ACYP2: variants seen among roughly 807,000 people sequenced by gnomAD.
The protein encoded by ACYP2 is acylphosphatase 2.
Under a neutral mutation model 11.2 loss-of-function variants are expected in ACYP2, and 12 were observed. The observed-to-expected ratio is 1.08, with a 90% CI of 0.69 to 1.74. The LOEUF is 1.74. Among genes scored for constraint, ACYP2 ranks in the 40% most tolerant of loss-of-function variants. The pLI, the probability that ACYP2 is intolerant of heterozygous loss-of-function variation, is 0.00. For synonymous variants in ACYP2, 43 were observed against 32.2 expected (o/e 1.33, Z -1.13); for missense variants, 134 against 101.9 (o/e 1.31, Z -1.35).
chr2:54,240,643 A>C (rs955581735), intron 6 of ACYP2, among the ~76,000 whole-genome samples: 3 of 152,176 alleles, frequency 2.0e-5, no homozygotes, highest in Non-Finnish European at 2.9e-5. Flanking sequence ...TGACAAGTTG[A>C]ATTCCTAAGA....
chr2:54,159,356 A>G (rs1032460177), intron 6 of ACYP2, among the ~76,000 whole-genome samples: 13 of 147,666 alleles, frequency 8.8e-5, no homozygotes, highest in African/African-American at 3.3e-4. Context: ...ATATTGGATT[A>G]TGACTTTTTA....
chr2:54,151,720 C>T (rs1426251190), intron 6 of ACYP2, among the ~76,000 whole-genome samples: 2 of 151,948 alleles, frequency 1.3e-5, no homozygotes, highest in Non-Finnish European at 2.9e-5. Flanking sequence ...AGAACATAAC[C>T]GATCTATATT....
At chr2:54,304,652 T>C in intron 6 of ACYP2, 36 bp from the exon 4 acceptor site, 1 of 1,481,464 alleles carries the variant, frequency 6.8e-7, no homozygotes. Flanking sequence ...GTATACTTTG[T>C]ATGCTAATTT....
intron 6 of ACYP2, among the ~76,000 whole-genome samples, chr2:54,263,389 A>T (rs895202253): frequency 6.6e-6 from 1 of 152,200 alleles, no homozygotes; most frequent in African/African-American, 2.4e-5. Flanking sequence ...TCCACCTCGA[A>T]CACTGGGGAT....
At chr2:54,125,699 G>A (rs565375201) in intron 4 of ACYP2, among the ~76,000 whole-genome samples, 1 of 152,158 alleles carries the variant, frequency 6.6e-6, no homozygotes, top group South Asian at 2.1e-4. Flanking sequence ...GCAGTGAGCC[G>A]AGATCGTGCC....
intron 6 of ACYP2, among the ~76,000 whole-genome samples, chr2:54,161,649 C>A (rs529777794): frequency 6.6e-6 from 1 of 152,132 alleles, no homozygotes; most frequent in Non-Finnish European, 1.5e-5. Flanking sequence ...GTGACAAATA[C>A]AACTGCCAAA....
Position 54,304,884 on chromosome 2 carries a change from G to T in ACYP2, c.*82G>T. 1.6e-5 allele frequency: 10 copies of T among 640,710 alleles called. No homozygotes were observed. Among genetic ancestry groups the T allele is most frequent in the East Asian group, 9.7e-5 (3 of 30,896 alleles). The allele number at this position is 640,710 out of a possible 1,614,324, so 39.7% of individuals were successfully genotyped here. On this transcript the variant is annotated 3_prime_UTR_variant, in exon 7 of 7. Transcript: ENST00000607452. ...TGTATACTAGAATAATAGTAGCAGAGTAGGGTGAAAAGGAACTTTCTGTTC... is the reference window on the plus strand; with the variant it reads ...TGTATACTAGAATAATAGTAGCAGATTAGGGTGAAAAGGAACTTTCTGTTC...
chr2:54,189,952 T>C (rs1247080186), intron 6 of ACYP2, among the ~76,000 whole-genome samples: 1 of 152,200 alleles, frequency 6.6e-6, no homozygotes, highest in Non-Finnish European at 1.5e-5. Flanking sequence ...CCCCAATGAT[T>C]AGTGATATTG....
intron 2 of ACYP2, among the ~76,000 whole-genome samples, chr2:54,027,996 C>G (rs1312619687): frequency 2.6e-5 from 4 of 151,896 alleles, no homozygotes; most frequent in African/African-American, 9.7e-5. Context: ...GTGCCTGCCA[C>G]CACACCCGGC....
intron 4 of ACYP2, among the ~76,000 whole-genome samples, chr2:54,133,134 C>A (rs72800759): frequency 3.3e-5 from 5 of 152,154 alleles, no homozygotes; most frequent in Admixed American, 1.3e-4. Flanking sequence ...TCTTCACCCC[C>A]CATTGTAGCA....
At chr2:54,043,099 C>G (rs1573591573) in intron 2 of ACYP2, among the ~76,000 whole-genome samples, 1 of 147,722 alleles carries the variant, frequency 6.8e-6, no homozygotes, top group Non-Finnish European at 1.5e-5. Flanking sequence ...GTGTGTGTGT[C>G]TGCTATTTTA....
At chr2:53,995,419 C>G (rs1672523065) in intron 2 of ACYP2, among the ~76,000 whole-genome samples, 1 of 151,902 alleles carries the variant, frequency 6.6e-6, no homozygotes, top group Non-Finnish European at 1.5e-5. Context: ...AATAATTAAA[C>G]TTAAAATATC....
chr2:54,029,569 ACTGGTG>A, intron 2 of ACYP2: 1 of 398,008 alleles, frequency 2.5e-6, no homozygotes, highest in Non-Finnish European at 4.8e-6. Context: ...GGTGGAGCTG[ACTGGTG>A]CTTCAGTTGA....
chr2:54,226,466 G>GA (rs113075721), intron 6 of ACYP2, among the ~76,000 whole-genome samples: 10,182 of 152,278 alleles, frequency 0.067, 1,096 homozygotes, highest in African/African-American at 0.23. Context: ...TTGATGTCAG[G>GA]AAAAGAGTTG....
chr2:54,292,643 T>C (rs1689356859), intron 6 of ACYP2, among the ~76,000 whole-genome samples: 1 of 147,686 alleles, frequency 6.8e-6, no homozygotes, highest in Non-Finnish European at 1.5e-5. Flanking sequence ...GATTGAAACA[T>C]TTCTGATTGT....
chr2:54,217,646 T>A (rs1009230634), intron 6 of ACYP2, among the ~76,000 whole-genome samples: 3 of 152,220 alleles, frequency 2.0e-5, no homozygotes, highest in Non-Finnish European at 4.4e-5. Context: ...GTACTGAGAT[T>A]ACAGGCGTGA....
In ACYP2 at chr2:54,064,134, C is replaced by G. The variant is rs1572676553; in HGVS notation, c.277+6774C>G. On this transcript the variant is annotated intron_variant, in intron 4 of 6. Transcript: ENST00000607452. Reference sequence around the variant, plus strand: ...AGTGCAGGGACTATGAAGGAATGAGCCACCACACCAGGCCTCTTTTTTTTT... The same window carrying G: ...AGTGCAGGGACTATGAAGGAATGAGGCACCACACCAGGCCTCTTTTTTTTT... 2.0e-5 allele frequency among the ~76,000 whole-genome samples: 3 copies of G among 152,280 alleles called. No homozygotes were observed. In the South Asian group the frequency reaches 6.2e-4, roughly 32 times the overall value.
chr2:54,031,533 C>T (rs1411212744), intron 2 of ACYP2, among the ~76,000 whole-genome samples: 2 of 152,110 alleles, frequency 1.3e-5, no homozygotes, highest in Non-Finnish European at 2.9e-5. Context: ...CATTGATGGA[C>T]ATTTGGGTTG....
At chr2:54,266,925 A>T (rs1246689430) in intron 6 of ACYP2, among the ~76,000 whole-genome samples, 1 of 152,018 alleles carries the variant, frequency 6.6e-6, no homozygotes, top group African/African-American at 2.4e-5. Flanking sequence ...CAGAAATGTT[A>T]ATTTGCAGAT....
Sources: gnomAD v4.1 joint callset for allele counts (sites outside exome capture counted in the v4.1 genomes callset) on GRCh38, gnomAD v4.1.1 for gene constraint, MANE v1.5 for transcripts, NCBI Gene and HGNC (gene_info 2026-07-23, HGNC 2026-07-21) for gene names.